Variants in CAMTA1 observed in about 807,000 individuals in gnomAD.
CAMTA1 encodes the protein calmodulin binding transcription activator 1.
A neutral mutation model predicts 170.9 loss-of-function variants in CAMTA1; 27 were observed. The observed-to-expected ratio is 0.16, with a 90% CI of 0.12 to 0.22. CAMTA1 has a LOEUF of 0.22. CAMTA1 is among the 10% of genes least tolerant of loss of function. CAMTA1 has a pLI of 1.00. For missense variants in CAMTA1, 1,619 were observed against 2,217.2 expected (o/e 0.73, Z 5.42); for synonymous variants, 833 against 891.5 (o/e 0.93, Z 1.17).
chr1:7,021,098 C>G (rs1701277190), intron 3 of CAMTA1, among the ~76,000 whole-genome samples: 1 of 152,244 alleles, frequency 6.6e-6, no homozygotes, highest in Non-Finnish European at 1.5e-5. Flanking sequence ...GCTGACACAG[C>G]TGGCCATACA....
chr1:7,513,159 A>G (rs1324924876), intron 6 of CAMTA1, among the ~76,000 whole-genome samples: 1 of 151,886 alleles, frequency 6.6e-6, no homozygotes, highest in East Asian at 1.9e-4. Flanking sequence ...GGTGATGCGG[A>G]CCTCCAGGGT....
At chr1:7,470,314 G>T (rs183710659) in intron 6 of CAMTA1, among the ~76,000 whole-genome samples, 36 of 152,360 alleles carry the variant, frequency 2.4e-4, no homozygotes, top group African/African-American at 8.7e-4. Flanking sequence ...TGTGGCAGCC[G>T]GTGCCGCTCA....
chr1:7,220,238 G>A (rs572375475), intron 4 of CAMTA1, among the ~76,000 whole-genome samples: 3 of 152,320 alleles, frequency 2.0e-5, no homozygotes, highest in African/African-American at 7.2e-5. Flanking sequence ...ATGAATACAT[G>A]GAGTATCTTT....
intron 5 of CAMTA1, among the ~76,000 whole-genome samples, chr1:7,419,255 A>C (rs1439983175): frequency 2.6e-5 from 4 of 152,200 alleles, no homozygotes; most frequent in Admixed American, 2.0e-4. Flanking sequence ...TCCTGGGTTT[A>C]AATGATTCTT....
rs149737653 is a variant in CAMTA1, at chr1:6,974,162, G to A, written c.235-117142G>A. 7.9e-3 allele frequency among the ~76,000 whole-genome samples: 1,206 copies of A among 152,300 alleles called. 16 individuals are homozygous for A. The highest frequency in any genetic ancestry group is 0.028 in the African/African-American group (1,143 of 41,560). ...TGGTTTGTAATATATTGTTCTCAGTGCCAGGAGCTGCAGCAGCATCTCCAG... is the reference window on the plus strand; with the variant it reads ...TGGTTTGTAATATATTGTTCTCAGTACCAGGAGCTGCAGCAGCATCTCCAG... On this transcript the variant is annotated intron_variant, in intron 3 of 22. Transcript: ENST00000303635.
Position 7,655,103 on chromosome 1 carries a change from T to C in CAMTA1, c.665-6623T>C, listed in dbSNP as rs2095879378. On this transcript the variant is annotated intron_variant, in intron 7 of 22. Coordinates refer to ENST00000303635, the MANE Select transcript of CAMTA1 (RefSeq NM_015215.4). ...ACACACCCACCTATACACACACACC[T>C]ATACACACACCTATACACACACCTC... Among the ~76,000 whole-genome samples the C allele has an allele frequency of 4.1e-4, 2 of 4,824 alleles. 1 individual carries two copies. The highest frequency in any genetic ancestry group is 3.5e-3 in the African/African-American group (2 of 568). 3.2% of individuals were successfully genotyped at this position (4,824 alleles called of 152,430 possible). A position where few individuals can be genotyped will look rare whatever the true frequency, so the allele number is the denominator to read the frequency against.
At chr1:7,763,226 T>C (rs1000712692) in intron 22 of CAMTA1, among the ~76,000 whole-genome samples, 4 of 152,236 alleles carry the variant, frequency 2.6e-5, no homozygotes, top group Admixed American at 1.3e-4. Flanking sequence ...TATTGGAATT[T>C]AATACTTTTT....
At chr1:7,710,570 C>A (rs1046854100) in intron 11 of CAMTA1, among the ~76,000 whole-genome samples, 2 of 147,800 alleles carry the variant, frequency 1.4e-5, no homozygotes, top group African/African-American at 5.0e-5. Flanking sequence ...CACTGCACTC[C>A]AGCCTGGGTG....
chr1:7,005,391 G>C (rs1485418616), intron 3 of CAMTA1, among the ~76,000 whole-genome samples: 1 of 152,120 alleles, frequency 6.6e-6, no homozygotes, highest in Non-Finnish European at 1.5e-5. Flanking sequence ...CAGTTCTTTG[G>C]GAAAAATAGT....
chr1:6,904,733 ATTTTTTTTTTTTTTT>A lies in CAMTA1; in HGVS notation c.234+79541_234+79555del, dbSNP rs70984036. Among the ~76,000 whole-genome samples the A allele has an allele frequency of 1.1e-4, 8 of 70,994 alleles. 1 individual carries two copies. In the East Asian group the frequency reaches 1.5e-3, roughly 13 times the overall value. 46.6% of individuals were successfully genotyped at this position (70,994 alleles called of 152,430 possible). On this transcript the variant is annotated intron_variant, in intron 3 of 22. Coordinates refer to ENST00000303635, the MANE Select transcript of CAMTA1 (RefSeq NM_015215.4). Reference sequence around the variant, plus strand: ...AGGCATGCGCCACCATGCCCAGCTAATTTTTTTTTTTTTTTTTTTTTTTTTTTTTTTTAATTTTTG... The same window carrying A: ...AGGCATGCGCCACCATGCCCAGCTAATTTTTTTTTTTTTTTTTAATTTTTG...
At chr1:6,787,092 T>G (rs1639626953) in intron 1 of CAMTA1, among the ~76,000 whole-genome samples, 2 of 152,254 alleles carry the variant, frequency 1.3e-5, no homozygotes, top group South Asian at 4.1e-4. Flanking sequence ...TTCCCGATTG[T>G]TTTTTGAGAG....
At chr1:7,545,666 A>AT (rs536441626) in intron 6 of CAMTA1, among the ~76,000 whole-genome samples, 68 of 149,682 alleles carry the variant, frequency 4.5e-4, no homozygotes, top group African/African-American at 1.5e-3. Context: ...AGGATTTCCA[A>AT]TTTTTTTTTT....
chr1:6,913,498 G>A lies in CAMTA1; in HGVS notation c.234+88288G>A, dbSNP rs577354584. ...GTCAGCACCCTGCTTGACCCCCTGC[G>A]TGGGGTACCTTGCCTCCCTTTCCCC... is the stretch of plus-strand genomic sequence containing the variant. On this transcript the variant is annotated intron_variant, in intron 3 of 22. Transcript: ENST00000303635. Among the ~76,000 whole-genome samples the A allele has an allele frequency of 1.2e-4, 19 of 152,286 alleles. No homozygotes were observed. The East Asian group carries it at 1.7e-3, about 14-fold the overall frequency.
intron 11 of CAMTA1, among the ~76,000 whole-genome samples, chr1:7,723,442 A>G (rs1357396682): frequency 6.6e-6 from 1 of 152,228 alleles, no homozygotes; most frequent in East Asian, 1.9e-4. Context: ...GACTAAATAC[A>G]TAAATAAATA....
intron 3 of CAMTA1, among the ~76,000 whole-genome samples, chr1:6,885,223 AC>A (rs1413274097): frequency 6.6e-6 from 1 of 152,174 alleles, no homozygotes; most frequent in Non-Finnish European, 1.5e-5. Flanking sequence ...ATTTTATGAT[AC>A]CTCTTGTAAA....
intron 7 of CAMTA1, among the ~76,000 whole-genome samples, chr1:7,644,753 T>C (rs1340497941): frequency 6.6e-6 from 1 of 152,232 alleles, no homozygotes; most frequent in East Asian, 1.9e-4. Flanking sequence ...ATATGGTTAC[T>C]CCTAGTTGCA....
At chr1:7,719,567 A>G (rs943541286) in intron 11 of CAMTA1, among the ~76,000 whole-genome samples, 1 of 152,190 alleles carries the variant, frequency 6.6e-6, no homozygotes, top group Non-Finnish European at 1.5e-5. Flanking sequence ...AGAGTCAGAG[A>G]GTTTTCAAAA....
intron 1 of CAMTA1, among the ~76,000 whole-genome samples, chr1:6,807,473 C>T (rs1644650972): frequency 1.3e-5 from 2 of 152,098 alleles, no homozygotes; most frequent in African/African-American, 2.4e-5. Context: ...AAAAATCATT[C>T]ACTTTGGGAG....
chr1:7,235,111 C>CT (rs889841207), intron 4 of CAMTA1, among the ~76,000 whole-genome samples: 4 of 152,064 alleles, frequency 2.6e-5, no homozygotes, highest in Admixed American at 1.3e-4. Context: ...ATTTCTGACT[C>CT]TGAGTTCTGG....
Sources: gnomAD v4.1 joint callset for allele counts (sites outside exome capture counted in the v4.1 genomes callset) on GRCh38, gnomAD v4.1.1 for gene constraint, MANE v1.5 for transcripts, NCBI Gene and HGNC (gene_info 2026-07-23, HGNC 2026-07-21) for gene names.